MDGA2: variants seen among roughly 807,000 people sequenced by gnomAD.
MDGA2 encodes MAM domain-containing glycosylphosphatidylinositol anchor protein 2.
In MDGA2, 40 loss-of-function variants were observed where a neutral mutation model predicts 117.8. That is an observed-to-expected ratio of 0.34 (90% CI 0.26 to 0.44). The LOEUF is 0.44. MDGA2 is among the 20% of genes least tolerant of loss of function. The pLI is 1.00. For missense variants in MDGA2, 1,123 were observed against 1,250.6 expected (o/e 0.90, Z 1.54); for synonymous variants, 452 against 439.0 (o/e 1.03, Z -0.37).
At chr14:47,312,771 C>G (rs931941091) in intron 1 of MDGA2, among the ~76,000 whole-genome samples, 3 of 134,322 alleles carry the variant, frequency 2.2e-5, no homozygotes, top group Non-Finnish European at 3.1e-5. Flanking sequence ...CTCATATGAT[C>G]CTCCCACCTC....
At position 47,102,413 on chromosome 14, in the gene MDGA2, AAACT is replaced by A. The variant is rs1304562647; in HGVS notation, c.926-5294_926-5291del. ...CACACAAACACACACACACACACAC[AAACT>A]AACTAAATAAATAATAAAACAGAAT... On this transcript the variant is annotated intron_variant, in intron 5 of 16. Transcript: ENST00000399232. 1.6e-4 allele frequency among the ~76,000 whole-genome samples: 24 copies of A among 151,714 alleles called. No individual in the cohort carries two copies. The South Asian group carries it at 3.5e-3, about 22-fold the overall frequency.
At chr14:46,984,124 G>A (rs1460319245) in intron 8 of MDGA2, among the ~76,000 whole-genome samples, 8 of 151,892 alleles carry the variant, frequency 5.3e-5, no homozygotes, top group Non-Finnish European at 1.2e-4. Flanking sequence ...ATATGTACCA[G>A]TCTCTACATC....
chr14:47,672,955 G>C (rs781267959), intron 1 of MDGA2, among the ~76,000 whole-genome samples: 4 of 152,026 alleles, frequency 2.6e-5, no homozygotes, highest in Admixed American at 2.6e-4. Context: ...TCATACACAC[G>C]TCCCCCCATT....
intron 1 of MDGA2, among the ~76,000 whole-genome samples, chr14:47,450,099 C>T (rs568316852): frequency 3.9e-5 from 6 of 151,988 alleles, no homozygotes; most frequent in Non-Finnish European, 8.8e-5. Flanking sequence ...TGCATTACCA[C>T]ATATATTCTT....
chr14:46,924,932 G>T (rs1383053482), intron 9 of MDGA2, among the ~76,000 whole-genome samples: 7 of 152,138 alleles, frequency 4.6e-5, no homozygotes, highest in Non-Finnish European at 8.8e-5. Flanking sequence ...ACCATTGGGA[G>T]ATGGATTTTC....
intron 6 of MDGA2, among the ~76,000 whole-genome samples, chr14:47,081,778 G>T (rs183985221): frequency 2.0e-5 from 3 of 152,198 alleles, no homozygotes; most frequent in Non-Finnish European, 4.4e-5. Flanking sequence ...AGGGAAGAAA[G>T]AATTGTGAAT....
At chr14:47,470,011 G>A (rs1455164201) in intron 1 of MDGA2, among the ~76,000 whole-genome samples, 1 of 152,138 alleles carries the variant, frequency 6.6e-6, no homozygotes, top group Non-Finnish European at 1.5e-5. Flanking sequence ...AACCCCACAG[G>A]CAGGCTCACT....
At chr14:46,968,668 C>T (rs1388483635) in intron 8 of MDGA2, among the ~76,000 whole-genome samples, 1 of 147,716 alleles carries the variant, frequency 6.8e-6, no homozygotes. Flanking sequence ...CCCATCTCTA[C>T]TAAAAATACA....
At chr14:47,571,411 C>T (rs550940733) in intron 1 of MDGA2, among the ~76,000 whole-genome samples, 107 of 152,108 alleles carry the variant, frequency 7.0e-4, no homozygotes, top group Non-Finnish European at 7.6e-4. Context: ...TGGGTATATA[C>T]CCAAAGGATT....
chr14:47,241,466 TTG>T (rs897493698), intron 2 of MDGA2, among the ~76,000 whole-genome samples: 3 of 151,912 alleles, frequency 2.0e-5, no homozygotes, highest in African/African-American at 4.8e-5. Context: ...TTAAAAATTA[TTG>T]TGTTTGTTTT....
intron 9 of MDGA2, among the ~76,000 whole-genome samples, chr14:46,952,586 T>C (rs1056978784): frequency 3.9e-5 from 6 of 152,036 alleles, no homozygotes; most frequent in Non-Finnish European, 8.8e-5. Context: ...CATTAATTTG[T>C]GAATCATAAA....
chr14:47,595,556 AC>A lies in MDGA2; in HGVS notation c.280+78960del, dbSNP rs201066099. 5.0e-3 allele frequency among the ~76,000 whole-genome samples: 591 copies of A among 118,166 alleles called. 8 individuals are homozygous for A. Among genetic ancestry groups the A allele is most frequent in the South Asian group, 8.7e-3 (33 of 3,814 alleles). The allele number at this position is 118,166 out of a possible 152,430, so 77.5% of individuals were successfully genotyped here. A position where few individuals can be genotyped will look rare whatever the true frequency, so the allele number is the denominator to read the frequency against. On this transcript the variant is annotated intron_variant, in intron 1 of 16. Coordinates refer to ENST00000399232, the MANE Select transcript of MDGA2 (RefSeq NM_001113498.3). ...TAAAAAAACCAAAAAACAAAAAAAA[AC>A]AAAAAAAAAAAAAACCCAGCAACCC... is the stretch of plus-strand genomic sequence containing the variant.
At chr14:46,874,550 C>G (rs1882147389) in intron 12 of MDGA2, among the ~76,000 whole-genome samples, 1 of 151,600 alleles carries the variant, frequency 6.6e-6, no homozygotes, top group South Asian at 2.1e-4. Context: ...ACAATCAAAA[C>G]AAAACTGTCA....
At chr14:47,006,411 TTTATAATTATA>T (rs1887711248) in intron 8 of MDGA2, among the ~76,000 whole-genome samples, 2 of 139,206 alleles carry the variant, frequency 1.4e-5, no homozygotes, top group African/African-American at 5.6e-5. Context: ...TAAAATTATA[TTTATAATTATA>T]TTATATGTAT....
intron 9 of MDGA2, among the ~76,000 whole-genome samples, chr14:46,930,993 G>T (rs1439157376): frequency 6.6e-6 from 1 of 152,006 alleles, no homozygotes; most frequent in Admixed American, 6.6e-5. Context: ...GAGGCGGGCG[G>T]ATCACGAGGT....
At chr14:46,902,418 A>G (rs1883322024) in intron 10 of MDGA2, among the ~76,000 whole-genome samples, 1 of 152,114 alleles carries the variant, frequency 6.6e-6, no homozygotes, top group African/African-American at 2.4e-5. Flanking sequence ...TATATACAGT[A>G]GGTACTTTTT....
chr14:46,883,499 T>C lies in MDGA2; in HGVS notation c.2239-1278A>G, dbSNP rs867763492. ...ATGCTTTATTTTTAATGCTTATATA[T>C]TAGAAATTTTTTTAGAATTACAAGT... On this transcript the variant is annotated intron_variant, in intron 10 of 16. Transcript: ENST00000399232. 3.9e-5 allele frequency among the ~76,000 whole-genome samples: 6 copies of C among 152,108 alleles called. No individual in the cohort carries two copies. The South Asian group carries it at 1.0e-3, about 26-fold the overall frequency.
intron 6 of MDGA2, among the ~76,000 whole-genome samples, chr14:47,079,614 T>C (rs1351265042): frequency 1.3e-5 from 2 of 152,100 alleles, no homozygotes; most frequent in Non-Finnish European, 2.9e-5. Flanking sequence ...GAAAGACATT[T>C]ATTGCATCCA....
intron 1 of MDGA2, among the ~76,000 whole-genome samples, chr14:47,629,999 G>C (rs1480710071): frequency 6.6e-6 from 1 of 151,534 alleles, no homozygotes; most frequent in Non-Finnish European, 1.5e-5. Flanking sequence ...TGAATAGCAA[G>C]GTATAAAAGC....
Sources: allele counts gnomAD v4.1 joint callset (sites outside exome capture counted in the v4.1 genomes callset), GRCh38; gene constraint gnomAD v4.1.1; transcripts MANE v1.5; gene names NCBI Gene and HGNC (gene_info 2026-07-23, HGNC 2026-07-21).